Variants in CDK17 observed in about 807,000 individuals in gnomAD.
The protein encoded by CDK17 is cyclin dependent kinase 17.
In CDK17, 24 loss-of-function variants were observed where a neutral mutation model predicts 77.6. That is an observed-to-expected ratio of 0.31 (90% confidence interval 0.22 to 0.44). The LOEUF is 0.44. Ranked by LOEUF, CDK17 falls within the 20% of genes least tolerant of loss-of-function variation. The probability of loss-of-function intolerance (pLI) is 1.00; values close to 1 mark genes in which losing one functional copy is unlikely to be tolerated. For synonymous variants in CDK17, 203 were observed against 210.4 expected (o/e 0.96, Z 0.30); for missense variants, 429 against 622.5 (o/e 0.69, Z 3.31).
chr12:96,338,165 A>G (rs1953072123), intron 1 of CDK17, among the ~76,000 whole-genome samples: 2 of 152,210 alleles, frequency 1.3e-5, no homozygotes, highest in African/African-American at 4.8e-5. Context: ...TAATAGATCC[A>G]CAGTAATTTT....
chr12:96,284,726 G>A (rs1055298873), intron 13 of CDK17, among the ~76,000 whole-genome samples: 2 of 151,580 alleles, frequency 1.3e-5, no homozygotes, highest in South Asian at 2.1e-4. Context: ...CACCACGTCC[G>A]GCTAATTTTT....
At chr12:96,323,488 A>G (rs1329156422) in intron 3 of CDK17, among the ~76,000 whole-genome samples, 1 of 152,018 alleles carries the variant, frequency 6.6e-6, no homozygotes, top group Non-Finnish European at 1.5e-5. Flanking sequence ...AAATAAAAAC[A>G]TAAGGCATCA....
chr12:96,294,642 T>C (rs966664842), intron 10 of CDK17, among the ~76,000 whole-genome samples: 1 of 144,622 alleles, frequency 6.9e-6, no homozygotes, highest in Non-Finnish European at 1.5e-5. Context: ...CTTTGATGTA[T>C]AGTTTTATGC....
At chr12:96,376,527 G>A (rs778152496) in intron 1 of CDK17, among the ~76,000 whole-genome samples, 5 of 152,050 alleles carry the variant, frequency 3.3e-5, no homozygotes, top group South Asian at 2.1e-4. Flanking sequence ...CCAAAATTCC[G>A]CAGTACCACC....
At chr12:96,394,728 G>C (rs1468861647) in intron 1 of CDK17, among the ~76,000 whole-genome samples, 1 of 145,166 alleles carries the variant, frequency 6.9e-6, no homozygotes, top group Non-Finnish European at 1.5e-5. Flanking sequence ...TGAGGCACGA[G>C]AATAGCTTGA....
At chr12:96,346,742 C>T (rs1048482839) in intron 1 of CDK17, among the ~76,000 whole-genome samples, 4 of 151,626 alleles carry the variant, frequency 2.6e-5, no homozygotes, top group Non-Finnish European at 5.9e-5. Context: ...TGGTGAAACT[C>T]CATCTCTACT....
At chr12:96,337,368 G>A (rs1289909142) in intron 1 of CDK17, among the ~76,000 whole-genome samples, 3 of 152,134 alleles carry the variant, frequency 2.0e-5, no homozygotes, top group African/African-American at 4.8e-5. Flanking sequence ...AGCACAGAGT[G>A]TGTCTGTCTC....
intron 1 of CDK17, among the ~76,000 whole-genome samples, chr12:96,367,268 C>CT (rs1343065891): frequency 7.3e-6 from 1 of 137,744 alleles, no homozygotes; most frequent in Non-Finnish European, 1.5e-5. Flanking sequence ...TCACTTGAGC[C>CT]TAGGAGGTGG....
intron 7 of CDK17, among the ~76,000 whole-genome samples, chr12:96,298,360 T>C (rs897899484): frequency 2.0e-5 from 3 of 152,160 alleles, no homozygotes; most frequent in African/African-American, 7.2e-5. Context: ...ATACTTAAAA[T>C]TGTCCCCAAT....
intron 1 of CDK17, among the ~76,000 whole-genome samples, chr12:96,335,818 G>C (rs983703265): frequency 1.3e-5 from 2 of 152,026 alleles, no homozygotes; most frequent in Non-Finnish European, 2.9e-5. Flanking sequence ...CCAAATTCTT[G>C]ACCCACAATT....
chr12:96,324,222 T>C (rs1455212330), intron 2 of CDK17, 110 bp from the exon 3 acceptor site: 4 of 642,846 alleles, frequency 6.2e-6, no homozygotes, highest in African/African-American at 1.8e-5. Context: ...TTAGTACATT[T>C]AGCCTCATTG....
chr12:96,391,320 C>T (rs1345490650), intron 1 of CDK17, among the ~76,000 whole-genome samples: 1 of 149,418 alleles, frequency 6.7e-6, no homozygotes, highest in Non-Finnish European at 1.5e-5. Context: ...AACAGAGTCT[C>T]ACTCTGTCAC....
intron 13 of CDK17, among the ~76,000 whole-genome samples, chr12:96,284,815 TG>T (rs1359124024): frequency 6.6e-6 from 1 of 152,142 alleles, no homozygotes; most frequent in Non-Finnish European, 1.5e-5. Context: ...CCGCCTGCCT[TG>T]GCCCCCCTAA....
intron 1 of CDK17, among the ~76,000 whole-genome samples, chr12:96,380,803 C>A (rs1290717663): frequency 6.6e-6 from 1 of 152,162 alleles, no homozygotes; most frequent in Non-Finnish European, 1.5e-5. Context: ...TCATTTCCTG[C>A]CACTACCTCT....
intron 1 of CDK17, among the ~76,000 whole-genome samples, chr12:96,338,969 C>G (rs2087108413): frequency 1.3e-5 from 2 of 151,838 alleles, no homozygotes; most frequent in South Asian, 4.1e-4. Context: ...CCATTCCTGT[C>G]CTTCCCCCAG....
intron 10 of CDK17, 129 bp from the exon 11 acceptor site, chr12:96,289,416 A>C (rs1211211715): frequency 1.1e-6 from 1 of 943,082 alleles, no homozygotes; most frequent in African/African-American, 1.7e-5. Context: ...AGGCTTCACC[A>C]CTATTAACTT....
chr12:96,380,227 C>G (rs141560462), intron 1 of CDK17, among the ~76,000 whole-genome samples: 11 of 149,368 alleles, frequency 7.4e-5, no homozygotes, highest in African/African-American at 2.4e-4. Flanking sequence ...ATTCTCATGT[C>G]TCTGAGGTGA....
At chr12:96,358,421 A>G (rs1045961556) in intron 1 of CDK17, among the ~76,000 whole-genome samples, 26 of 151,598 alleles carry the variant, frequency 1.7e-4, no homozygotes, top group African/African-American at 6.3e-4. Flanking sequence ...GAATAAAAAC[A>G]ATAGCATAAT....
intron 2 of CDK17, among the ~76,000 whole-genome samples, chr12:96,334,115 A>G (rs559729759): frequency 5.6e-4 from 85 of 152,338 alleles, no homozygotes; most frequent in Non-Finnish European, 9.7e-4. Flanking sequence ...ATCATGACAC[A>G]CTGAAAGCCA....
Sources: gnomAD v4.1 joint callset for allele counts (sites outside exome capture counted in the v4.1 genomes callset) on GRCh38, gnomAD v4.1.1 for gene constraint, MANE v1.5 for transcripts, NCBI Gene and HGNC (gene_info 2026-07-23, HGNC 2026-07-21) for gene names.